Variants in PITPNB observed in about 807,000 individuals in gnomAD.
PITPNB encodes phosphatidylinositol transfer protein beta isoform.
PITPNB carries 16 observed loss-of-function variants against 45.9 expected under a neutral mutation model. That is an observed-to-expected ratio of 0.35 (90% confidence interval 0.24 to 0.53). PITPNB has a LOEUF of 0.53. Ranked by LOEUF, PITPNB falls within the 20% of genes least tolerant of loss-of-function variation. PITPNB has a pLI of 0.93. For synonymous variants in PITPNB, 112 were observed against 108.9 expected (o/e 1.03, Z -0.18); for missense variants, 188 against 330.5 (o/e 0.57, Z 3.34).
chr22:27,905,450 T>C (rs908629600), intron 3 of PITPNB, among the ~76,000 whole-genome samples: 3 of 152,210 alleles, frequency 2.0e-5, no homozygotes, highest in Non-Finnish European at 4.4e-5. Flanking sequence ...ACCCAGCCTA[T>C]TAATTTCTTA....
At chr22:27,915,276 T>G (rs1936043883) in intron 1 of PITPNB, among the ~76,000 whole-genome samples, 1 of 152,172 alleles carries the variant, frequency 6.6e-6, no homozygotes, top group Non-Finnish European at 1.5e-5. Context: ...TATGGAAAAT[T>G]TTCAATAGTT....
chr22:27,907,318 G>T (rs892685486), intron 3 of PITPNB, among the ~76,000 whole-genome samples: 6 of 152,092 alleles, frequency 3.9e-5, no homozygotes, highest in Admixed American at 6.5e-5. Context: ...AACAGTGAAG[G>T]CCTCAGCACT....
chr22:27,910,717 C>G (rs1356271460), intron 3 of PITPNB: 3 of 372,548 alleles, frequency 8.1e-6, no homozygotes, highest in Non-Finnish European at 1.5e-5. Context: ...TAGTGTTTCT[C>G]TCTGTGTTAC....
chr22:27,907,437 A>T (rs1935797488), intron 3 of PITPNB, among the ~76,000 whole-genome samples: 1 of 152,218 alleles, frequency 6.6e-6, no homozygotes, highest in African/African-American at 2.4e-5. Flanking sequence ...ACTGCCCCAT[A>T]GCCATTCCCT....
rs62235635 is a variant in PITPNB at position 27,918,624 on chromosome 22, G to A, written c.20+548C>T. ...CCCGTCAAGTCAGCGGAGCTGCCCA[G>A]GAGAGCGGAGGCTTTCCGGAATCCC... On this transcript the variant is annotated intron_variant, in intron 1 of 11. Transcript: ENST00000335272. Among the ~76,000 whole-genome samples, 717 of 152,376 alleles carry A rather than the reference G, an allele frequency of 4.7e-3. 3 individuals are homozygous for A. Among genetic ancestry groups the A allele is most frequent in the Non-Finnish European group, 6.2e-3 (424 of 68,028 alleles).
intron 6 of PITPNB, among the ~76,000 whole-genome samples, chr22:27,896,117 T>G (rs1024915491): frequency 6.6e-6 from 1 of 152,246 alleles, no homozygotes; most frequent in Non-Finnish European, 1.5e-5. Context: ...ACTTTATCCC[T>G]CCTGCCTTTT....
At chr22:27,867,002 A>T (rs1350441871) in intron 8 of PITPNB, among the ~76,000 whole-genome samples, 1 of 152,186 alleles carries the variant, frequency 6.6e-6, no homozygotes, top group Non-Finnish European at 1.5e-5. Flanking sequence ...GGTAACCTAA[A>T]CTTTATTTAG....
intron 7 of PITPNB, among the ~76,000 whole-genome samples, chr22:27,891,551 A>G (rs1935279724): frequency 6.6e-6 from 1 of 152,162 alleles, no homozygotes; most frequent in African/African-American, 2.4e-5. Flanking sequence ...AACACATGTC[A>G]AGGGAGGGAC....
At chr22:27,871,442 T>C (rs1404051637) in intron 8 of PITPNB, among the ~76,000 whole-genome samples, 8 of 152,342 alleles carry the variant, frequency 5.3e-5, no homozygotes, top group Middle Eastern at 6.8e-3. Context: ...TGTAAAAGTA[T>C]TGTCAGCTAG....
intron 1 of PITPNB, among the ~76,000 whole-genome samples, chr22:27,917,076 G>T (rs1354346641): frequency 6.6e-6 from 1 of 152,188 alleles, no homozygotes; most frequent in African/African-American, 2.4e-5. Flanking sequence ...AAATCTAGGG[G>T]AGATACACAT....
chr22:27,860,486 C>T (rs1444024230), intron 8 of PITPNB: 1 of 349,942 alleles, frequency 2.9e-6, no homozygotes, highest in East Asian at 4.8e-5. Flanking sequence ...GTTGCTCTGC[C>T]TCAAATAACA....
At chr22:27,900,761 A>C (rs1271601253) in intron 3 of PITPNB, among the ~76,000 whole-genome samples, 1 of 152,238 alleles carries the variant, frequency 6.6e-6, no homozygotes, top group Non-Finnish European at 1.5e-5. Flanking sequence ...CCAGGTATAT[A>C]TAATTGAGAG....
intron 1 of PITPNB, among the ~76,000 whole-genome samples, chr22:27,915,713 T>C (rs889197368): frequency 2.6e-5 from 4 of 152,336 alleles, no homozygotes; most frequent in Admixed American, 1.3e-4. Context: ...AGTCCTTCTA[T>C]ACCTAAAAAT....
intron 7 of PITPNB, among the ~76,000 whole-genome samples, chr22:27,884,577 A>G (rs1935063542): frequency 6.6e-6 from 1 of 152,232 alleles, no homozygotes. Context: ...GGTGATGCTG[A>G]AAAGCCATGG....
Position 27,854,905 on chromosome 22 carries a change from G to A in PITPNB, c.803C>T (p.Ala268Val). 1 of 1,613,912 alleles carries A rather than the reference G, an allele frequency of 6.2e-7. No homozygotes were observed. The highest frequency in any genetic ancestry group is 8.5e-7 in the Non-Finnish European group (1 of 1,179,782). ...RKRGSVRGTS[A>V]ADV Reference sequence around the variant, plus strand: ...CAGGGGACTCATCTAGACATCAGCAGCCGACGTGCCTCGAACGGAACCCCT... The same window carrying A: ...CAGGGGACTCATCTAGACATCAGCAACCGACGTGCCTCGAACGGAACCCCT... The change falls in exon 11 of 12, where the codon GCT becomes GTT. Residue 268 changes from alanine to valine, a missense_variant. By Grantham distance (64) the Ala-to-Val change is moderately conservative. Transcript: ENST00000335272.
chr22:27,916,718 G>A (rs532574440), intron 1 of PITPNB, among the ~76,000 whole-genome samples: 1 of 152,014 alleles, frequency 6.6e-6, no homozygotes, highest in African/African-American at 2.4e-5. Flanking sequence ...CAGGAAAATC[G>A]CTTGAACCTG....
At chr22:27,888,384 T>C (rs1036581049) in intron 7 of PITPNB, among the ~76,000 whole-genome samples, 2 of 152,254 alleles carry the variant, frequency 1.3e-5, no homozygotes, top group African/African-American at 4.8e-5. Context: ...TGTACACTTG[T>C]AATTCTGCTA....
In PITPNB at chr22:27,873,687, A is replaced by G. The variant is rs779674694; in HGVS notation, c.534+51T>C. On this transcript the variant is annotated intron_variant, in intron 8 of 11. Transcript: ENST00000335272. ...AGCTCTTCAAGACTCAGGACCTGTC[A>G]AGTGTTCTGTTGCCAAGACTCTGCC... The G allele has an allele frequency of 1.0e-5, 11 of 1,075,786 alleles. No homozygotes were observed. In the South Asian group the frequency reaches 1.1e-4, roughly 11 times the overall value. 66.6% of individuals were successfully genotyped at this position (1,075,786 alleles called of 1,614,324 possible).
intron 3 of PITPNB, among the ~76,000 whole-genome samples, chr22:27,909,207 C>CTTG (rs1555892105): frequency 3.6e-5 from 3 of 82,246 alleles, no homozygotes; most frequent in African/African-American, 5.0e-5. Context: ...ACTGGTAGTA[C>CTTG]TTTTTTTTTT....
Sources: gnomAD v4.1 joint callset for allele counts (sites outside exome capture counted in the v4.1 genomes callset) on GRCh38, gnomAD v4.1.1 for gene constraint, MANE v1.5 for transcripts, NCBI Gene and HGNC (gene_info 2026-07-23, HGNC 2026-07-21) for gene names.